The following PARD3B variants were observed in gnomAD, a reference collection of about 807,000 sequenced individuals.
The protein encoded by PARD3B is partitioning defective 3 homolog B.
Under a neutral mutation model 130.2 loss-of-function variants are expected in PARD3B, and 103 were observed. That is an observed-to-expected ratio of 0.79 (90% CI 0.67 to 0.93). The LOEUF (loss-of-function observed/expected upper bound fraction) is 0.93. PARD3B is among the 40% of genes least tolerant of loss of function. The pLI, the probability that PARD3B is intolerant of heterozygous loss-of-function variation, is 0.00. For synonymous variants in PARD3B, 583 were observed against 553.2 expected, an observed-to-expected ratio of 1.05 and a Z score of -0.76; for missense variants, 1,609 against 1,499.2, an observed-to-expected ratio of 1.07 and a Z score of -1.21.
At chr2:205,534,888 T>C (rs2051772855) in intron 21 of PARD3B, among the ~76,000 whole-genome samples, 3 of 152,204 alleles carry the variant, frequency 2.0e-5, no homozygotes, top group African/African-American at 7.2e-5. Context: ...TGCTATGTTT[T>C]TCTCATGGCC....
intron 15 of PARD3B, among the ~76,000 whole-genome samples, chr2:205,205,243 CTCTG>C (rs1374811125): frequency 6.6e-5 from 10 of 151,054 alleles, no homozygotes; most frequent in East Asian, 5.9e-4. Flanking sequence ...TGATTTGGCT[CTCTG>C]TCTGTTACTG....
At chr2:204,674,235 A>G (rs1402733764) in intron 1 of PARD3B, among the ~76,000 whole-genome samples, 2 of 152,188 alleles carry the variant, frequency 1.3e-5, no homozygotes, top group Non-Finnish European at 2.9e-5. Flanking sequence ...TGATATTGAT[A>G]ATTTATGATA....
intron 18 of PARD3B, among the ~76,000 whole-genome samples, chr2:205,380,512 A>T (rs1331186888): frequency 2.9e-5 from 1 of 34,930 alleles, no homozygotes; most frequent in Non-Finnish European, 4.4e-5. Flanking sequence ...ATTATATATA[A>T]TATATAAAGA....
chr2:204,828,992 G>A (rs2043698996), intron 2 of PARD3B, among the ~76,000 whole-genome samples: 1 of 152,248 alleles, frequency 6.6e-6, no homozygotes, highest in South Asian at 2.1e-4. Flanking sequence ...TGACTTCAAG[G>A]TCCATGGTCA....
chr2:205,339,977 G>C (rs894607384), intron 18 of PARD3B, among the ~76,000 whole-genome samples: 2 of 152,040 alleles, frequency 1.3e-5, no homozygotes, highest in African/African-American at 4.8e-5. Context: ...TAAAATCTAA[G>C]ATGAACTTTG....
At chr2:205,538,723 A>G (rs2051982595) in intron 21 of PARD3B, among the ~76,000 whole-genome samples, 1 of 152,174 alleles carries the variant, frequency 6.6e-6, no homozygotes, top group Non-Finnish European at 1.5e-5. Context: ...AGATCTGCTC[A>G]GGGGGCTCAT....
chr2:205,357,035 T>C (rs1385610449), intron 18 of PARD3B, among the ~76,000 whole-genome samples: 1 of 152,230 alleles, frequency 6.6e-6, no homozygotes, highest in East Asian at 1.9e-4. Context: ...GTATGACTGC[T>C]TTCCACCTCT....
intron 4 of PARD3B, chr2:205,103,872 A>C: frequency 5.8e-6 from 2 of 345,338 alleles, no homozygotes; most frequent in Non-Finnish European, 8.2e-6. Flanking sequence ...GAAATTAAAT[A>C]GGCAATTTGA....
intron 2 of PARD3B, among the ~76,000 whole-genome samples, chr2:204,710,979 T>C (rs2038405784): frequency 6.6e-6 from 1 of 152,222 alleles, no homozygotes; most frequent in Non-Finnish European, 1.5e-5. Flanking sequence ...AAAGGAGTTT[T>C]GTTTGGAAGT....
Position 205,193,278 on chromosome 2 carries a change from C to A in PARD3B, c.2098C>A (p.Pro700Thr), listed in dbSNP as rs141261848. 14 of 1,613,552 alleles carry A rather than the reference C, an allele frequency of 8.7e-6. No homozygotes were observed. The highest frequency in any genetic ancestry group is 6.6e-5 in the South Asian group (6 of 91,056). Residue 700 changes from proline to threonine, a missense_variant, in exon 15 of 23, where the codon CCT becomes ACT. By Grantham distance (38) the Pro-to-Thr change is conservative. Coordinates refer to ENST00000406610, the MANE Select transcript of PARD3B (RefSeq NM_001302769.2). ...NFRSVTPARQ[P>T]ESINLKASKS... Reference sequence around the variant, plus strand: ...CAGATCTGTGACACCGGCCAGGCAGCCTGAATCAATTAATTTGAAAGCCTC... The same window carrying A: ...CAGATCTGTGACACCGGCCAGGCAGACTGAATCAATTAATTTGAAAGCCTC...
chr2:205,119,038 C>G lies in PARD3B; in HGVS notation c.798C>G (p.Thr266=). The change falls in exon 7 of 23, where the codon ACC becomes ACG. Residue 266 remains threonine, a synonymous_variant. Transcript: ENST00000406610. ...ACAATGTGGATCTCGTAGACAAAACCTTTGCTCAGTAAGCATTTTTTCATT... is the reference window on the plus strand; with the variant it reads ...ACAATGTGGATCTCGTAGACAAAACGTTTGCTCAGTAAGCATTTTTTCATT... ...KINNVDLVDK[T]FAQAQDVFRQ... 1 of 1,599,622 alleles carries G rather than the reference C, an allele frequency of 6.3e-7. No homozygotes were observed. Among genetic ancestry groups the G allele is most frequent in the Non-Finnish European group, 8.5e-7 (1 of 1,175,176 alleles).
At chr2:205,214,489 CAA>C (rs58426242) in intron 15 of PARD3B, among the ~76,000 whole-genome samples, 23,499 of 121,100 alleles carry the variant, frequency 0.19, 2,104 homozygotes, top group African/African-American at 0.3. Flanking sequence ...AAGGTGATAC[CAA>C]AAAAAAAAAA....
intron 2 of PARD3B, among the ~76,000 whole-genome samples, chr2:204,848,719 A>G (rs1268481000): frequency 1.3e-5 from 2 of 151,286 alleles, no homozygotes; most frequent in African/African-American, 4.9e-5. Context: ...TATATTTTAA[A>G]CATATATTAA....
At chr2:204,908,156 TTCTA>T (rs1358509983) in intron 2 of PARD3B, among the ~76,000 whole-genome samples, 4 of 152,196 alleles carry the variant, frequency 2.6e-5, no homozygotes, top group African/African-American at 9.7e-5. Context: ...ATATAATATC[TTCTA>T]TCTTTGAACT....
rs775345431 is a variant in PARD3B, at chr2:205,301,825, C to G, written c.2630+124C>G. 3.5e-6 allele frequency: 5 copies of G among 1,438,734 alleles called. No homozygotes were observed. The African/African-American group carries it at 7.0e-5, about 20-fold the overall frequency. The allele number at this position is 1,438,734 out of a possible 1,614,324, so 89.1% of individuals were successfully genotyped here. A position where few individuals can be genotyped will look rare whatever the true frequency, so the allele number is the denominator to read the frequency against. On this transcript the variant is annotated intron_variant, in intron 18 of 22. Transcript: ENST00000406610. The surrounding 1 kb of genome is among the most constrained non-coding windows in gnomAD (Gnocchi z 5.2). ...CGTCTTCAGCCAAATGCATACGGCTCTCAATTCTGTGCTCGTTCTCTTTCT... is the reference window on the plus strand; with the variant it reads ...CGTCTTCAGCCAAATGCATACGGCTGTCAATTCTGTGCTCGTTCTCTTTCT...
At chr2:205,076,641 A>T (rs1205361476) in intron 4 of PARD3B, among the ~76,000 whole-genome samples, 3 of 152,160 alleles carry the variant, frequency 2.0e-5, no homozygotes, top group Admixed American at 6.5e-5. Context: ...CTGTCACATC[A>T]GTGGCAGCAT....
chr2:205,428,321 A>G (rs2047215575), intron 19 of PARD3B, among the ~76,000 whole-genome samples: 1 of 152,176 alleles, frequency 6.6e-6, no homozygotes, highest in Non-Finnish European at 1.5e-5. Context: ...CAGAGGTTGC[A>G]GTGAGCAGAG....
intron 16 of PARD3B, among the ~76,000 whole-genome samples, chr2:205,297,130 G>A (rs965674180): frequency 2.6e-5 from 4 of 152,178 alleles, no homozygotes; most frequent in Admixed American, 2.0e-4. Context: ...AACCAATATC[G>A]CATCAGCTAT....
chr2:205,185,530 G>C (rs1056781287), intron 13 of PARD3B, among the ~76,000 whole-genome samples: 1 of 152,170 alleles, frequency 6.6e-6, no homozygotes, highest in African/African-American at 2.4e-5. Context: ...GAGTGGGTTT[G>C]CTAGGGGTTG....
Sources: gnomAD v4.1 joint callset for allele counts (sites outside exome capture counted in the v4.1 genomes callset) on GRCh38, gnomAD v4.1.1 for gene constraint, Gnocchi (gnomAD v3.1) non-coding constraint, MANE v1.5 for transcripts, NCBI Gene and HGNC (gene_info 2026-07-23, HGNC 2026-07-21) for gene names.